RBFOX1: variants seen among roughly 807,000 people sequenced by gnomAD.
The protein encoded by RBFOX1 is RNA binding fox-1 homolog 1.
Under a neutral mutation model 57.7 loss-of-function variants are expected in RBFOX1, and 8 were observed. That is an observed-to-expected ratio of 0.14 (90% CI 0.08 to 0.25). RBFOX1 has a LOEUF of 0.25. Ranked by LOEUF, RBFOX1 falls within the 10% of genes least tolerant of loss-of-function variation. The pLI, the probability that RBFOX1 is intolerant of heterozygous loss-of-function variation, is 1.00. For missense variants in RBFOX1, 611 were observed against 548.5 expected, an observed-to-expected ratio of 1.11 and a Z score of -1.14; for synonymous variants, 326 against 222.4, an observed-to-expected ratio of 1.47 and a Z score of -4.15.
intron 3 of RBFOX1, among the ~76,000 whole-genome samples, chr16:6,814,507 G>A (rs1473087487): frequency 6.6e-6 from 1 of 152,128 alleles, no homozygotes. Context: ...TGGGAGACAG[G>A]CATTGATCAA....
chr16:6,941,296 C>CT (rs2078434336), intron 3 of RBFOX1, among the ~76,000 whole-genome samples: 22 of 64,670 alleles, frequency 3.4e-4, no homozygotes, highest in Admixed American at 4.0e-4. Flanking sequence ...CCTTCCCTCC[C>CT]TCCCTCCTTC....
In RBFOX1 at chr16:7,245,198, A is replaced by G. The variant is rs558729317; in HGVS notation, c.27+193100A>G. On this transcript the variant is annotated intron_variant, in intron 4 of 15. Transcript: ENST00000550418. ...CTCTAGATCCTAACTAAAATAATAA[A>G]TATCTTATATTTCATTTGAAAAATA... 3.3e-5 allele frequency among the ~76,000 whole-genome samples: 5 copies of G among 152,370 alleles called. No homozygotes were observed. In the South Asian group the frequency reaches 1.0e-3, roughly 32 times the overall value.
intron 3 of RBFOX1, among the ~76,000 whole-genome samples, chr16:5,717,104 G>C (rs996903436): frequency 6.6e-5 from 10 of 152,174 alleles, no homozygotes; most frequent in African/African-American, 1.9e-4. Context: ...TTCTGTCTGA[G>C]AAGGTCAGAG....
intron 2 of RBFOX1, among the ~76,000 whole-genome samples, chr16:5,584,278 T>C (rs1213292102): frequency 6.6e-6 from 1 of 152,250 alleles, no homozygotes; most frequent in Non-Finnish European, 1.5e-5. Context: ...TCCGTGTCTC[T>C]TTCAGCAGCT....
chr16:6,817,286 A>C (rs1384321380), intron 3 of RBFOX1, among the ~76,000 whole-genome samples: 1 of 152,126 alleles, frequency 6.6e-6, no homozygotes. Context: ...AATGTGTCAT[A>C]GCTTCAAACA....
At chr16:5,677,763 C>G (rs748942133) in intron 3 of RBFOX1, among the ~76,000 whole-genome samples, 2 of 151,886 alleles carry the variant, frequency 1.3e-5, no homozygotes, top group African/African-American at 2.4e-5. Context: ...GAAGAGTGTT[C>G]CAGATGGAGG....
chr16:6,798,658 T>G (rs1394962261), intron 3 of RBFOX1, among the ~76,000 whole-genome samples: 2 of 152,192 alleles, frequency 1.3e-5, no homozygotes, highest in African/African-American at 2.4e-5. Context: ...AATGTGCTTT[T>G]TTGGCTTTAA....
intron 14 of RBFOX1, chr16:7,693,268 A>G (rs1368610424): frequency 1.9e-6 from 3 of 1,561,728 alleles, no homozygotes; most frequent in Non-Finnish European, 2.6e-6. Flanking sequence ...CAGAGAGCAC[A>G]TTTCCCCCTG....
chr16:6,384,078 T>TC (rs1491187523), intron 2 of RBFOX1, among the ~76,000 whole-genome samples: 20 of 125,802 alleles, frequency 1.6e-4, no homozygotes, highest in Non-Finnish European at 1.0e-4. Context: ...TTTTTTTTTT[T>TC]CTTCTAAGAT....
At chr16:7,568,135 G>A (rs2092325479) in intron 5 of RBFOX1, among the ~76,000 whole-genome samples, 1 of 152,034 alleles carries the variant, frequency 6.6e-6, no homozygotes, top group Non-Finnish European at 1.5e-5. Context: ...AGAATTCGAG[G>A]TGAATCCATC....
intron 1 of RBFOX1, among the ~76,000 whole-genome samples, chr16:6,264,565 C>T (rs550959855): frequency 1.3e-5 from 2 of 152,166 alleles, no homozygotes; most frequent in Non-Finnish European, 2.9e-5. Flanking sequence ...CCACAGGGCC[C>T]TTCTCTGCAG....
chr16:7,254,904 C>G (rs926470068), intron 4 of RBFOX1, among the ~76,000 whole-genome samples: 1 of 152,048 alleles, frequency 6.6e-6, no homozygotes, highest in African/African-American at 2.4e-5. Context: ...GCATTTTGTA[C>G]CATCATTTCT....
intron 2 of RBFOX1, among the ~76,000 whole-genome samples, chr16:6,607,454 C>G (rs1055236135): frequency 6.9e-6 from 1 of 144,736 alleles, no homozygotes; most frequent in Non-Finnish European, 1.5e-5. Flanking sequence ...ATCTCTCTTC[C>G]TCTCTCTCTT....
chr16:6,834,488 C>T lies in RBFOX1; in HGVS notation c.-16+179838C>T, dbSNP rs546809571. Reference sequence around the variant, plus strand: ...CCTTGCCTGGTACAGAGAAAGTACTCAGTAACTGTTTATTGATGAATGAAT... The same window carrying T: ...CCTTGCCTGGTACAGAGAAAGTACTTAGTAACTGTTTATTGATGAATGAAT... On this transcript the variant is annotated intron_variant, in intron 3 of 15. Transcript: ENST00000550418. Among the ~76,000 whole-genome samples, 10 of 146,896 alleles carry T rather than the reference C, an allele frequency of 6.8e-5. No individual in the cohort carries two copies. In the South Asian group the frequency reaches 2.3e-3, roughly 33 times the overall value.
chr16:6,525,521 A>G (rs2096566279), intron 2 of RBFOX1, among the ~76,000 whole-genome samples: 1 of 152,228 alleles, frequency 6.6e-6, no homozygotes, highest in African/African-American at 2.4e-5. Flanking sequence ...TGCTGCTATA[A>G]CAAAACATCA....
At chr16:5,995,814 A>G (rs774043934) in intron 4 of RBFOX1, among the ~76,000 whole-genome samples, 6 of 152,170 alleles carry the variant, frequency 3.9e-5, no homozygotes, top group Non-Finnish European at 8.8e-5. Context: ...CATTAAGAGG[A>G]AAGTGTCTTA....
At chr16:6,575,704 A>G (rs1039772449) in intron 2 of RBFOX1, among the ~76,000 whole-genome samples, 11 of 152,044 alleles carry the variant, frequency 7.2e-5, no homozygotes, top group African/African-American at 2.4e-4. Flanking sequence ...CTAAAAGTAC[A>G]GAAATTAACT....
At chr16:6,421,243 C>T (rs1049955594) in intron 2 of RBFOX1, among the ~76,000 whole-genome samples, 1 of 152,176 alleles carries the variant, frequency 6.6e-6, no homozygotes, top group Non-Finnish European at 1.5e-5. Context: ...CAGAGGGCAG[C>T]CCGCATCTCT....
chr16:5,473,529 G>A (rs569392428), intron 2 of RBFOX1, among the ~76,000 whole-genome samples: 2 of 152,080 alleles, frequency 1.3e-5, no homozygotes, highest in South Asian at 4.2e-4. Context: ...AATGCACGTT[G>A]CATGGGTGGG....
Sources: allele counts gnomAD v4.1 joint callset (sites outside exome capture counted in the v4.1 genomes callset), GRCh38; gene constraint gnomAD v4.1.1; transcripts MANE v1.5; gene names NCBI Gene and HGNC (gene_info 2026-07-23, HGNC 2026-07-21).